Variants in ARHGAP24 observed in about 807,000 individuals in gnomAD.
The protein encoded by ARHGAP24 is Rho GTPase activating protein 24.
ARHGAP24 carries 50 observed loss-of-function variants against 76.4 expected under a neutral mutation model. That is an observed-to-expected ratio of 0.65 (90% CI 0.52 to 0.83). The LOEUF (loss-of-function observed/expected upper bound fraction) is 0.83. Ranked by LOEUF, ARHGAP24 falls within the 40% of genes least tolerant of loss-of-function variation. The pLI is 0.00. For missense variants in ARHGAP24, 930 were observed against 914.2 expected (o/e 1.02, Z -0.22); for synonymous variants, 345 against 323.3 (o/e 1.07, Z -0.72).
intron 2 of ARHGAP24, among the ~76,000 whole-genome samples, chr4:85,650,211 A>G (rs1267444593): frequency 6.6e-6 from 1 of 150,402 alleles, no homozygotes; most frequent in African/African-American, 2.5e-5. Flanking sequence ...TTACCAGTGA[A>G]GCAAAAGTTA....
intron 2 of ARHGAP24, among the ~76,000 whole-genome samples, chr4:85,645,925 T>C (rs1265897311): frequency 6.6e-6 from 1 of 152,058 alleles, no homozygotes; most frequent in East Asian, 1.9e-4. Flanking sequence ...ACAATATGTA[T>C]CAAATCATAG....
At chr4:85,587,270 A>G (rs1727899605) in intron 2 of ARHGAP24, among the ~76,000 whole-genome samples, 2 of 152,216 alleles carry the variant, frequency 1.3e-5, no homozygotes. Flanking sequence ...GAAATATTAC[A>G]TTCTCATAAA....
chr4:85,951,557 T>C (rs1475475470), intron 5 of ARHGAP24, among the ~76,000 whole-genome samples: 1 of 152,198 alleles, frequency 6.6e-6, no homozygotes, highest in Admixed American at 6.5e-5. Flanking sequence ...TAAATATGCC[T>C]GTGCTTTTGA....
chr4:85,640,458 G>A (rs7669879), intron 2 of ARHGAP24, among the ~76,000 whole-genome samples: 49,986 of 152,004 alleles, frequency 0.33, 9,267 homozygotes, highest in East Asian at 0.84. Flanking sequence ...TCCAATGGCA[G>A]TCATCATCTT....
intron 3 of ARHGAP24, among the ~76,000 whole-genome samples, chr4:85,849,028 T>C (rs1240466166): frequency 6.7e-6 from 1 of 150,212 alleles, no homozygotes; most frequent in African/African-American, 2.4e-5. Context: ...ATCTGTAAAT[T>C]ACCTTGGGCA....
chr4:85,500,939 C>G (rs746904101), intron 1 of ARHGAP24, among the ~76,000 whole-genome samples: 1 of 139,712 alleles, frequency 7.2e-6, no homozygotes, highest in Non-Finnish European at 1.5e-5. Context: ...TCTCATTGTT[C>G]AATTCCCACC....
At chr4:85,970,717 A>G (rs1738921106) in intron 5 of ARHGAP24, among the ~76,000 whole-genome samples, 1 of 151,948 alleles carries the variant, frequency 6.6e-6, no homozygotes, top group Non-Finnish European at 1.5e-5. Context: ...CTCAGAGCAC[A>G]CCTCTCTGGG....
In ARHGAP24 at chr4:85,658,070, AT is replaced by A. The variant is rs1192347736; in HGVS notation, c.181-63813del. On this transcript the variant is annotated intron_variant, in intron 2 of 9. Coordinates refer to ENST00000395184, the MANE Select transcript of ARHGAP24 (RefSeq NM_001025616.3). ...GTGCCCGGCCTCCAGTTATTTAATT[AT>A]TCTTCATTTACAATTGCATTCTCAT... Among the ~76,000 whole-genome samples the A allele has an allele frequency of 3.3e-5, 5 of 152,248 alleles. No individual in the cohort carries two copies. The East Asian group carries it at 9.7e-4, about 29-fold the overall frequency.
intron 6 of ARHGAP24, among the ~76,000 whole-genome samples, chr4:85,974,131 C>T (rs1242215721): frequency 6.6e-6 from 1 of 151,574 alleles, no homozygotes; most frequent in African/African-American, 2.4e-5. Flanking sequence ...GCTGAGATTA[C>T]AGGCGTGAGC....
intron 3 of ARHGAP24, among the ~76,000 whole-genome samples, chr4:85,749,597 G>A (rs1726181514): frequency 6.6e-6 from 1 of 152,142 alleles, no homozygotes; most frequent in Admixed American, 6.5e-5. Context: ...TTGAGATGGA[G>A]TTTCACTCTT....
At chr4:85,915,918 T>A (rs1256761460) in intron 3 of ARHGAP24, among the ~76,000 whole-genome samples, 5 of 152,206 alleles carry the variant, frequency 3.3e-5, no homozygotes, top group South Asian at 2.1e-4. Flanking sequence ...TGATTTATAA[T>A]CCTTTGGGTA....
chr4:85,868,094 A>G (rs1732308778), intron 3 of ARHGAP24, among the ~76,000 whole-genome samples: 1 of 151,974 alleles, frequency 6.6e-6, no homozygotes, highest in Admixed American at 6.6e-5. Context: ...AAATACATCA[A>G]TCAATACCTG....
At chr4:85,512,922 G>C (rs947617160) in intron 1 of ARHGAP24, among the ~76,000 whole-genome samples, 10 of 152,240 alleles carry the variant, frequency 6.6e-5, no homozygotes, top group Non-Finnish European at 1.3e-4. Flanking sequence ...CCAGAGGACA[G>C]AGAACACCAA....
chr4:85,866,655 C>T (rs1490319172), intron 3 of ARHGAP24, among the ~76,000 whole-genome samples: 4 of 152,112 alleles, frequency 2.6e-5, no homozygotes, highest in African/African-American at 9.7e-5. Context: ...TCTCCTGAGG[C>T]ACTGCTCACC....
intron 7 of ARHGAP24, among the ~76,000 whole-genome samples, chr4:85,976,197 C>T (rs7667158): frequency 3.3e-5 from 5 of 152,006 alleles, no homozygotes; most frequent in Admixed American, 6.6e-5. Flanking sequence ...TTTTAATTTC[C>T]GGTAATTTAA....
At chr4:85,695,810 T>C (rs1723845376) in intron 2 of ARHGAP24, among the ~76,000 whole-genome samples, 1 of 152,224 alleles carries the variant, frequency 6.6e-6, no homozygotes, top group Non-Finnish European at 1.5e-5. Context: ...TAGTGTAATA[T>C]ACTATGCAGT....
chr4:85,531,971 T>G (rs1725276909), intron 1 of ARHGAP24, among the ~76,000 whole-genome samples: 2 of 152,102 alleles, frequency 1.3e-5, no homozygotes, highest in Non-Finnish European at 2.9e-5. Context: ...CTCCTCAGGG[T>G]AAACTGTCTA....
intron 3 of ARHGAP24, among the ~76,000 whole-genome samples, chr4:85,865,745 T>G (rs555939916): frequency 6.6e-6 from 1 of 151,938 alleles, no homozygotes; most frequent in Non-Finnish European, 1.5e-5. Flanking sequence ...AAGGATTATT[T>G]ATATTCATAA....
intron 3 of ARHGAP24, among the ~76,000 whole-genome samples, chr4:85,841,343 A>G (rs780104154): frequency 6.6e-6 from 1 of 152,238 alleles, no homozygotes; most frequent in African/African-American, 2.4e-5. Context: ...AGTGCTGAAG[A>G]GCCCAGATTC....
Sources: allele counts gnomAD v4.1 joint callset (sites outside exome capture counted in the v4.1 genomes callset), GRCh38; gene constraint gnomAD v4.1.1; transcripts MANE v1.5; gene names NCBI Gene and HGNC (gene_info 2026-07-23, HGNC 2026-07-21).